The following SLC16A7 variants were observed in gnomAD, a reference collection of about 807,000 sequenced individuals.
SLC16A7 encodes the protein monocarboxylate transporter 2.
SLC16A7 carries 33 observed loss-of-function variants against 34.9 expected under a neutral mutation model. The ratio of observed to expected loss-of-function variants is 0.94; its 90% CI spans 0.72 to 1.26. The LOEUF (loss-of-function observed/expected upper bound fraction) is 1.26, where lower values mean the gene tolerates loss of function less well. SLC16A7 is among the 50% of genes most tolerant of loss of function. SLC16A7 has a pLI of 0.00. For synonymous variants in SLC16A7, 201 were observed against 206.6 expected, an observed-to-expected ratio of 0.97 and a Z score of 0.23; for missense variants, 573 against 578.1, an observed-to-expected ratio of 0.99 and a Z score of 0.09.
chr12:59,618,478 G>A (rs1298490064), intron 1 of SLC16A7, among the ~76,000 whole-genome samples: 2 of 151,946 alleles, frequency 1.3e-5, no homozygotes, highest in Non-Finnish European at 2.9e-5. Context: ...AAGCATAGGA[G>A]TAAGTTTCCT....
intron 3 of SLC16A7, among the ~76,000 whole-genome samples, chr12:59,745,470 G>A (rs1878793349): frequency 6.6e-6 from 1 of 152,172 alleles, no homozygotes; most frequent in Admixed American, 6.5e-5. Flanking sequence ...AAAATTTCAA[G>A]TTAAGATTTA....
chr12:59,671,156 A>G (rs1163522885), intron 2 of SLC16A7, among the ~76,000 whole-genome samples: 1 of 152,130 alleles, frequency 6.6e-6, no homozygotes, highest in Non-Finnish European at 1.5e-5. Context: ...TTTATTACAT[A>G]TGTATGCTTC....
In SLC16A7 at chr12:59,783,013, C is replaced by G. The variant is rs1475814250; in HGVS notation, c.*3334C>G. 1 of 152,048 alleles carries G rather than the reference C, an allele frequency of 6.6e-6. No individual in the cohort carries two copies. Among genetic ancestry groups the G allele is most frequent in the Non-Finnish European group, 1.5e-5 (1 of 67,988 alleles). 9.4% of individuals were successfully genotyped at this position (152,048 alleles called of 1,614,324 possible). Reference sequence around the variant, plus strand: ...AAAATCTAGATAATTTATACTCATTCTTTTCTGGCTGTACAACATGACAAT... The same window carrying G: ...AAAATCTAGATAATTTATACTCATTGTTTTCTGGCTGTACAACATGACAAT... On this transcript the variant is annotated 3_prime_UTR_variant, in exon 6 of 6. Coordinates refer to ENST00000547379, the MANE Select transcript of SLC16A7 (RefSeq NM_001270623.2).
chr12:59,712,358 A>T (rs947264731), intron 3 of SLC16A7, among the ~76,000 whole-genome samples: 1 of 152,202 alleles, frequency 6.6e-6, no homozygotes, highest in African/African-American at 2.4e-5. Context: ...CCCTTTACCC[A>T]TATTTTCCGT....
rs1438965787 is a variant in SLC16A7 at position 59,786,888 on chromosome 12, C to A, written c.*7209C>A. 1 of 152,018 alleles carries A rather than the reference C, an allele frequency of 6.6e-6. No individual in the cohort carries two copies. Among genetic ancestry groups the A allele is most frequent in the Non-Finnish European group, 1.5e-5 (1 of 67,980 alleles). The allele number at this position is 152,018 out of a possible 1,614,324, so 9.4% of individuals were successfully genotyped here. On this transcript the variant is annotated 3_prime_UTR_variant, in exon 6 of 6. Transcript: ENST00000547379. ...ATTTTCCTAGAAATATATATAACAA[C>A]CCTACTTGATAGTTTATAGCCCAAA...
At chr12:59,694,636 T>C (rs977871971) in intron 2 of SLC16A7, among the ~76,000 whole-genome samples, 7 of 151,994 alleles carry the variant, frequency 4.6e-5, no homozygotes, top group African/African-American at 1.7e-4. Flanking sequence ...TCTATTCATC[T>C]TGCATAATTT....
chr12:59,731,215 G>A (rs572444675), intron 3 of SLC16A7, among the ~76,000 whole-genome samples: 2 of 152,226 alleles, frequency 1.3e-5, no homozygotes, highest in East Asian at 3.9e-4. Flanking sequence ...ATAAGAAACT[G>A]CTCTTAAGAC....
At chr12:59,755,732 T>C (rs1276496332) in intron 3 of SLC16A7, among the ~76,000 whole-genome samples, 1 of 152,236 alleles carries the variant, frequency 6.6e-6, no homozygotes, top group African/African-American at 2.4e-5. Context: ...CCAATTACTT[T>C]CTTCACAGAA....
At chr12:59,614,407 T>C (rs1879342443) in intron 1 of SLC16A7, among the ~76,000 whole-genome samples, 1 of 152,206 alleles carries the variant, frequency 6.6e-6, no homozygotes, top group Non-Finnish European at 1.5e-5. Context: ...TCATTAATGA[T>C]TCAAACGAAG....
intron 2 of SLC16A7, among the ~76,000 whole-genome samples, chr12:59,672,210 GTATATATA>G (rs1158603166): frequency 3.4e-5 from 1 of 29,840 alleles, no homozygotes; most frequent in Non-Finnish European, 9.9e-5. Context: ...ACATATATAC[GTATATATA>G]TGTGTATATA....
intron 2 of SLC16A7, among the ~76,000 whole-genome samples, chr12:59,683,753 T>A (rs1870928378): frequency 1.3e-5 from 2 of 152,148 alleles, no homozygotes; most frequent in South Asian, 4.2e-4. Flanking sequence ...GATAATATAA[T>A]GGGGGGTATG....
rs1338328757 is a variant in SLC16A7 at position 59,784,524 on chromosome 12, T to C, written c.*4845T>C. The C allele has an allele frequency of 6.6e-6, 1 of 152,224 alleles. No homozygotes were observed. The highest frequency in any genetic ancestry group is 1.5e-5 in the Non-Finnish European group (1 of 68,038). 9.4% of individuals were successfully genotyped at this position (152,224 alleles called of 1,614,324 possible). A position where few individuals can be genotyped will look rare whatever the true frequency, so the allele number is the denominator to read the frequency against. ...CCATACAGTTACATATTAATTTTCA[T>C]CATTTAATACAACTTACCCTACACC... On this transcript the variant is annotated 3_prime_UTR_variant, in exon 6 of 6. Transcript: ENST00000547379.
At chr12:59,611,341 C>G (rs150765354) in intron 1 of SLC16A7, among the ~76,000 whole-genome samples, 12 of 152,278 alleles carry the variant, frequency 7.9e-5, no homozygotes, top group African/African-American at 2.9e-4. Context: ...GGGGAAGCCA[C>G]TTATGCAATC....
intron 1 of SLC16A7, among the ~76,000 whole-genome samples, chr12:59,629,696 T>C (rs957122303): frequency 6.6e-6 from 1 of 151,966 alleles, no homozygotes; most frequent in Non-Finnish European, 1.5e-5. Flanking sequence ...CCACATATGC[T>C]GTATGACTTT....
At chr12:59,693,563 G>T (rs1286494531) in intron 2 of SLC16A7, among the ~76,000 whole-genome samples, 1 of 151,774 alleles carries the variant, frequency 6.6e-6, no homozygotes, top group African/African-American at 2.4e-5. Context: ...ACACCTGAAG[G>T]TCACTCTTGT....
intron 1 of SLC16A7, among the ~76,000 whole-genome samples, chr12:59,602,398 C>G (rs767265402): frequency 6.6e-6 from 1 of 151,582 alleles, no homozygotes; most frequent in South Asian, 2.1e-4. Flanking sequence ...CTTCTCTCAC[C>G]GCTCATTTAC....
intron 3 of SLC16A7, among the ~76,000 whole-genome samples, chr12:59,743,541 T>C (rs1022269674): frequency 1.3e-5 from 2 of 152,164 alleles, no homozygotes; most frequent in African/African-American, 4.8e-5. Context: ...TGAAAGATGC[T>C]CAGTAAATAT....
At chr12:59,677,718 A>G (rs777297744) in intron 2 of SLC16A7, among the ~76,000 whole-genome samples, 6 of 152,204 alleles carry the variant, frequency 3.9e-5, no homozygotes, top group Non-Finnish European at 7.4e-5. Context: ...TCTTAAATGC[A>G]AACTAGCCAA....
At chr12:59,656,171 T>A (rs1206732534) in intron 2 of SLC16A7, among the ~76,000 whole-genome samples, 1 of 151,996 alleles carries the variant, frequency 6.6e-6, no homozygotes, top group East Asian at 1.9e-4. Flanking sequence ...GTACTCTGTC[T>A]TCTACCTCAA....
Sources: allele counts gnomAD v4.1 joint callset (sites outside exome capture counted in the v4.1 genomes callset), GRCh38; gene constraint gnomAD v4.1.1; transcripts MANE v1.5; gene names NCBI Gene and HGNC (gene_info 2026-07-23, HGNC 2026-07-21).